The following PDAP1 variants were observed in gnomAD, a reference collection of about 807,000 sequenced individuals.
PDAP1 encodes 28 kDa heat- and acid-stable phosphoprotein.
A neutral mutation model predicts 28.0 loss-of-function variants in PDAP1; 13 were observed. The ratio of observed to expected loss-of-function variants is 0.46; its 90% CI spans 0.30 to 0.74. PDAP1 has a LOEUF of 0.74. PDAP1 is among the 30% of genes least tolerant of loss of function. The pLI is 0.07. For missense variants in PDAP1, 150 were observed against 230.0 expected, an observed-to-expected ratio of 0.65 and a Z score of 2.25; for synonymous variants, 77 against 85.1, an observed-to-expected ratio of 0.91 and a Z score of 0.52.
intron 3 of PDAP1, among the ~76,000 whole-genome samples, 173 bp from the exon 4 acceptor site, chr7:99,400,597 C>A (rs1794846034): frequency 6.6e-6 from 1 of 152,180 alleles, no homozygotes; most frequent in Non-Finnish European, 1.5e-5. Context: ...GGAGCATCTT[C>A]ATCAGCCTGG....
At chr7:99,407,331 A>G (rs1243638431) in intron 1 of PDAP1, among the ~76,000 whole-genome samples, 1 of 152,218 alleles carries the variant, frequency 6.6e-6, no homozygotes, top group Non-Finnish European at 1.5e-5. Flanking sequence ...CCATTAAGTA[A>G]AACTTCGGAG....
chr7:99,408,590 C>A lies in PDAP1; in HGVS notation c.-42G>T. 1 of 1,256,668 alleles carries A rather than the reference C, an allele frequency of 8.0e-7. No individual in the cohort carries two copies. Among genetic ancestry groups the A allele is most frequent in the Non-Finnish European group, 1.0e-6 (1 of 998,896 alleles). The allele number at this position is 1,256,668 out of a possible 1,614,324, so 77.8% of individuals were successfully genotyped here. A position where few individuals can be genotyped will look rare whatever the true frequency, so the allele number is the denominator to read the frequency against. ...GCGGCGGCGGCGGCGGCGCCTCGAACTGACACCGGAACCGGAAATAGCTTG... is the reference window on the plus strand; with the variant it reads ...GCGGCGGCGGCGGCGGCGCCTCGAAATGACACCGGAACCGGAAATAGCTTG... On this transcript the variant is annotated 5_prime_UTR_variant, in exon 1 of 6. Coordinates refer to ENST00000350498, the MANE Select transcript of PDAP1 (RefSeq NM_014891.7).
chr7:99,402,622 C>T (rs1263178385), intron 3 of PDAP1, among the ~76,000 whole-genome samples: 1 of 147,942 alleles, frequency 6.8e-6, no homozygotes. Flanking sequence ...GTGGCTCACG[C>T]TTATAATCCC....
At chr7:99,401,219 C>G (rs1364731215) in intron 3 of PDAP1, among the ~76,000 whole-genome samples, 3 of 152,172 alleles carry the variant, frequency 2.0e-5, no homozygotes, top group Admixed American at 1.3e-4. Context: ...CCGGACCCTC[C>G]CTGCAATCCT....
At chr7:99,404,562 A>G (rs1794935218) in intron 2 of PDAP1, among the ~76,000 whole-genome samples, 1 of 152,082 alleles carries the variant, frequency 6.6e-6, no homozygotes. Context: ...CTGTGAATGG[A>G]CAGGTCCTGC....
chr7:99,402,906 A>G (rs1020920039), intron 3 of PDAP1, among the ~76,000 whole-genome samples: 12 of 151,170 alleles, frequency 7.9e-5, no homozygotes, highest in African/African-American at 2.4e-4. Context: ...AGAAAAGAAA[A>G]GAAAAGAAAT....
chr7:99,398,028 T>G lies in PDAP1; in HGVS notation c.336-15A>C. On this transcript the variant is annotated splice_polypyrimidine_tract_variant and intron_variant, in intron 4 of 5. Transcript: ENST00000350498. The stretch of plus-strand genomic sequence containing the variant: ...CAATCTCTTCTCTGTGTGGATAAAA[T>G]GGTGTCATGGGGACATCTTTCCTAC... The G allele has an allele frequency of 6.2e-7, 1 of 1,613,908 alleles. No individual in the cohort carries two copies. Among genetic ancestry groups the G allele is most frequent in the African/African-American group, 1.3e-5 (1 of 75,060 alleles).
chr7:99,403,364 G>C, intron 3 of PDAP1, 34 bp downstream of exon 3: 2 of 1,288,506 alleles, frequency 1.6e-6, no homozygotes, highest in South Asian at 2.4e-5. Context: ...GAATGAATGA[G>C]TCCAGGCTCT....
chr7:99,408,511 C>T (rs1289337954), intron 1 of PDAP1, 25 bp downstream of exon 1: 1 of 1,324,068 alleles, frequency 7.6e-7, no homozygotes, highest in Non-Finnish European at 9.7e-7. Context: ...TCCAGGCCTG[C>T]GGGCCACCGG....
chr7:99,399,815 C>G (rs1054290083), intron 4 of PDAP1, among the ~76,000 whole-genome samples: 1 of 152,226 alleles, frequency 6.6e-6, no homozygotes, highest in Admixed American at 6.5e-5. Context: ...GATCCTCATA[C>G]GACTCTTGAG....
chr7:99,404,850 G>T lies in PDAP1; in HGVS notation c.105+12C>A. 9.3e-6 allele frequency: 15 copies of T among 1,607,626 alleles called. No individual in the cohort carries two copies. The highest frequency in any genetic ancestry group is 1.3e-5 in the Non-Finnish European group (15 of 1,176,118). On this transcript the variant is annotated intron_variant, in intron 2 of 5. Transcript: ENST00000350498. ...TGGGCCACTGGCGTGGCCTGGACAG[G>T]CACGTACTCACCCTGGCCTTCTGCT...
At chr7:99,402,896 AGAAAAG>A (rs796506956) in intron 3 of PDAP1, among the ~76,000 whole-genome samples, 9 of 120,452 alleles carry the variant, frequency 7.5e-5, no homozygotes, top group African/African-American at 4.0e-4. Context: ...AAAAAAAAAA[AGAAAAG>A]AAAAGAAAAG....
intron 1 of PDAP1, chr7:99,406,552 G>A: frequency 1.0e-6 from 1 of 985,008 alleles, no homozygotes; most frequent in South Asian, 4.7e-5. Flanking sequence ...TAAAGTGTCA[G>A]TTTTATAGTC....
At chr7:99,399,131 G>C (rs956777674) in intron 4 of PDAP1, among the ~76,000 whole-genome samples, 3 of 152,190 alleles carry the variant, frequency 2.0e-5, no homozygotes, top group African/African-American at 7.2e-5. Context: ...CGGCCTCCCA[G>C]AGGCCTTCAA....
intron 4 of PDAP1, among the ~76,000 whole-genome samples, chr7:99,398,394 C>A (rs1754615161): frequency 6.6e-6 from 1 of 152,162 alleles, no homozygotes; most frequent in Admixed American, 6.5e-5. Context: ...GGGACCACAT[C>A]CTACAAGGAA....
At chr7:99,398,700 T>A (rs891314510) in intron 4 of PDAP1, among the ~76,000 whole-genome samples, 1 of 151,774 alleles carries the variant, frequency 6.6e-6, no homozygotes, top group Non-Finnish European at 1.5e-5. Flanking sequence ...TGAAATCCTA[T>A]CTCTAAAAAA....
At chr7:99,405,190 C>T (rs1024914634) in intron 1 of PDAP1, among the ~76,000 whole-genome samples, 2 of 152,170 alleles carry the variant, frequency 1.3e-5, no homozygotes, top group African/African-American at 2.4e-5. Context: ...CACAGAAGAC[C>T]GGAGGGGAGA....
At chr7:99,405,809 C>T (rs1470054400) in intron 1 of PDAP1, among the ~76,000 whole-genome samples, 2 of 152,160 alleles carry the variant, frequency 1.3e-5, no homozygotes, top group African/African-American at 4.8e-5. Context: ...CGCTTACTGG[C>T]TTGATGACTT....
At position 99,396,584 on chromosome 7, in the gene PDAP1, G is replaced by A; in HGVS notation, c.*98C>T. The stretch of plus-strand genomic sequence containing the variant: ...CCATGGGGGGCTCCTGGCCATGAGG[G>A]GCTGTTGCAGCGGCGCCAGGGCACA... On this transcript the variant is annotated 3_prime_UTR_variant, in exon 6 of 6. Transcript: ENST00000350498. 1 of 1,000,586 alleles carries A rather than the reference G, an allele frequency of 1.0e-6. No individual in the cohort carries two copies. The highest frequency in any genetic ancestry group is 1.6e-6 in the Non-Finnish European group (1 of 624,634). The allele number at this position is 1,000,586 out of a possible 1,614,324, so 62.0% of individuals were successfully genotyped here.
Sources: gnomAD v4.1 joint callset for allele counts (sites outside exome capture counted in the v4.1 genomes callset) on GRCh38, gnomAD v4.1.1 for gene constraint, MANE v1.5 for transcripts, NCBI Gene and HGNC (gene_info 2026-07-23, HGNC 2026-07-21) for gene names.